ORC4: variants seen among roughly 807,000 people sequenced by gnomAD.
The protein encoded by ORC4 is origin recognition complex subunit 4.
Under a neutral mutation model 63.9 loss-of-function variants are expected in ORC4, and 55 were observed. The observed-to-expected ratio is 0.86, with a 90% CI of 0.69 to 1.08. The LOEUF is 1.08. ORC4 is among the 50% of genes least tolerant of loss of function. ORC4 has a pLI of 0.00. For synonymous variants in ORC4, 150 were observed against 168.5 expected (o/e 0.89, Z 0.85); for missense variants, 511 against 504.4 (o/e 1.01, Z -0.13).
chr2:147,931,558 TA>T lies in ORC4; in HGVS notation c.*3951del, dbSNP rs981140617. The T allele has an allele frequency of 6.6e-5, 10 of 152,192 alleles. No individual in the cohort carries two copies. Among genetic ancestry groups the T allele is most frequent in the Admixed American group, 6.6e-5 (1 of 15,250 alleles). 9.4% of individuals were successfully genotyped at this position (152,192 alleles called of 1,614,324 possible). A position where few individuals can be genotyped will look rare whatever the true frequency, so the allele number is the denominator to read the frequency against. ...TTTAATGATTGCCATTCTAACTGGA[TA>T]AAATACTGGCAAAACGAATCCAGCA... On this transcript the variant is annotated 3_prime_UTR_variant, in exon 14 of 14. Coordinates refer to ENST00000392857, the MANE Select transcript of ORC4 (RefSeq NM_181741.4).
rs1331769871 is a variant in ORC4 at position 147,934,631 on chromosome 2, A to C, written c.*879T>G. ...TATGTATATAGCCTGTTACACACTT[A>C]GGCTATACAGATAGCCTAGCCTATT... On this transcript the variant is annotated 3_prime_UTR_variant, in exon 14 of 14. Coordinates refer to ENST00000392857, the MANE Select transcript of ORC4 (RefSeq NM_181741.4). 2 of 152,180 alleles carry C rather than the reference A, an allele frequency of 1.3e-5. No homozygotes were observed. Among genetic ancestry groups the C allele is most frequent in the Non-Finnish European group, 2.9e-5 (2 of 68,038 alleles). 9.4% of individuals were successfully genotyped at this position (152,180 alleles called of 1,614,324 possible). A position where few individuals can be genotyped will look rare whatever the true frequency, so the allele number is the denominator to read the frequency against.
chr2:147,974,555 A>C (rs941579101), intron 2 of ORC4, among the ~76,000 whole-genome samples: 2 of 151,780 alleles, frequency 1.3e-5, no homozygotes, highest in Non-Finnish European at 2.9e-5. Flanking sequence ...GAATTGCTTG[A>C]ACCCAGGAGG....
chr2:147,952,584 C>T (rs570803277), intron 7 of ORC4, 60 bp from the exon 8 acceptor site: 1 of 1,314,078 alleles, frequency 7.6e-7, no homozygotes, highest in South Asian at 1.2e-5. Flanking sequence ...CCTAAATTTC[C>T]AAACCATTTA....
rs1687809364 is a variant in ORC4 at position 147,932,252 on chromosome 2, TGTGAAG to T, written c.*3252_*3257del. 1 of 151,854 alleles carries T rather than the reference TGTGAAG, an allele frequency of 6.6e-6. No individual in the cohort carries two copies. The highest frequency in any genetic ancestry group is 2.4e-5 in the African/African-American group (1 of 41,300). The allele number at this position is 151,854 out of a possible 1,614,324, so 9.4% of individuals were successfully genotyped here. A position where few individuals can be genotyped will look rare whatever the true frequency, so the allele number is the denominator to read the frequency against. Reference sequence around the variant, plus strand: ...ACCTAGGAATCCAACTTACAAGGGATGTGAAGGACCTCTTCAAGGAGAACTACAAGC... The same window carrying T: ...ACCTAGGAATCCAACTTACAAGGGATGACCTCTTCAAGGAGAACTACAAGC... On this transcript the variant is annotated 3_prime_UTR_variant, in exon 14 of 14. Transcript: ENST00000392857.
chr2:147,947,755 T>G, intron 9 of ORC4: 1 of 160,710 alleles, frequency 6.2e-6, no homozygotes, highest in Non-Finnish European at 1.3e-5. Context: ...AATAAAATTA[T>G]CTAAAATATA....
At chr2:147,941,266 T>A (rs1688348289) in intron 10 of ORC4, among the ~76,000 whole-genome samples, 1 of 152,074 alleles carries the variant, frequency 6.6e-6, no homozygotes, top group Non-Finnish European at 1.5e-5. Flanking sequence ...CATTTCTTTT[T>A]TTTTCCCAAT....
intron 1 of ORC4, among the ~76,000 whole-genome samples, chr2:147,999,060 C>G (rs1229317525): frequency 6.6e-6 from 1 of 152,180 alleles, no homozygotes; most frequent in Non-Finnish European, 1.5e-5. Flanking sequence ...GTCTCGTCAG[C>G]TAATACTCTA....
chr2:147,979,481 A>G (rs74622976), intron 1 of ORC4, among the ~76,000 whole-genome samples: 5,190 of 152,300 alleles, frequency 0.034, 121 homozygotes, highest in Middle Eastern at 0.088. Flanking sequence ...CATGGACTGA[A>G]AGAATCAATG....
chr2:147,969,083 T>A (rs1690061556), intron 4 of ORC4, among the ~76,000 whole-genome samples: 1 of 151,764 alleles, frequency 6.6e-6, no homozygotes, highest in Non-Finnish European at 1.5e-5. Context: ...CCAAGAAAAG[T>A]AGGTCTTACA....
At position 147,997,854 on chromosome 2, in the gene ORC4, G is replaced by T. The variant is rs114218781; in HGVS notation, c.-17-21879C>A. Among the ~76,000 whole-genome samples the T allele has an allele frequency of 2.6e-5, 4 of 152,168 alleles. No individual in the cohort carries two copies. The East Asian group carries it at 7.7e-4, about 29-fold the overall frequency. On this transcript the variant is annotated intron_variant, in intron 1 of 13. Coordinates refer to ENST00000392857, the MANE Select transcript of ORC4 (RefSeq NM_181741.4). Reference sequence around the variant, plus strand: ...AATTTGAATATATAAATTTCTAAGTGTAAATTATGATGCTAAAATTCTATT... The same window carrying T: ...AATTTGAATATATAAATTTCTAAGTTTAAATTATGATGCTAAAATTCTATT...
intron 1 of ORC4, among the ~76,000 whole-genome samples, chr2:147,985,364 T>C (rs191128034): frequency 2.8e-4 from 42 of 152,098 alleles, no homozygotes; most frequent in Admixed American, 8.5e-4. Context: ...GCCCGGCTAA[T>C]TTTTTGTATT....
At chr2:147,956,113 C>T (rs1689236395) in intron 6 of ORC4, among the ~76,000 whole-genome samples, 1 of 151,972 alleles carries the variant, frequency 6.6e-6, no homozygotes, top group South Asian at 2.1e-4. Context: ...TTAACTTTTA[C>T]TTCATTCAGA....
upstream of ORC4, chr2:148,021,168 C>G (rs1693696774): frequency 6.4e-6 from 1 of 155,766 alleles, no homozygotes; most frequent in African/African-American, 2.4e-5. Flanking sequence ...CCTTTTATTT[C>G]TATTTTTAAA....
chr2:148,015,307 A>ATT (rs1158861758), intron 1 of ORC4, among the ~76,000 whole-genome samples: 1,616 of 92,226 alleles, frequency 0.018, 12 homozygotes, highest in African/African-American at 0.026. Context: ...TGATATTGGA[A>ATT]TTTTTTTTTT....
rs777730698 is a variant in ORC4 at position 147,948,084 on chromosome 2, C to A, written c.729G>T (p.Lys243Asn). The stretch of plus-strand genomic sequence containing the variant: ...TTTCATTCCACTTCTCAGCAAAAAC[C>A]TTGTCTGGAAACTCTGCAGGTAGAG... ...QLSLPAEFPD[K>N]VFAEKWNENV... is the part of the protein sequence containing the mutation. The change falls in exon 9 of 14, where the codon AAG becomes AAT. Residue 243 changes from lysine to asparagine, a missense_variant. Transcript: ENST00000392857. 3 of 1,612,040 alleles carry A rather than the reference C, an allele frequency of 1.9e-6. No homozygotes were observed. The Admixed American group carries it at 5.0e-5, about 27-fold the overall frequency.
At chr2:147,997,877 A>G (rs1692064602) in intron 1 of ORC4, among the ~76,000 whole-genome samples, 1 of 152,216 alleles carries the variant, frequency 6.6e-6, no homozygotes, top group Non-Finnish European at 1.5e-5. Flanking sequence ...CTAAAATTCT[A>G]TTTTAACTTT....
Position 147,972,784 on chromosome 2 carries a change from A to T in ORC4, c.180T>A (p.Ser60Arg). Residue 60 changes from serine to arginine, a missense_variant, in exon 4 of 14, where the codon AGT becomes AGA. Coordinates refer to ENST00000392857, the MANE Select transcript of ORC4 (RefSeq NM_181741.4). ...LLKRTALHGE[S>R]NSVLIIGPRG... Reference sequence around the variant, plus strand: ...GGGGTCCGATAATAAGGACAGAGTTACTCTCTCCATGGAGAGCAGTTCTTT... The same window carrying T: ...GGGGTCCGATAATAAGGACAGAGTTTCTCTCTCCATGGAGAGCAGTTCTTT... The T allele has an allele frequency of 6.2e-7, 1 of 1,612,534 alleles. No individual in the cohort carries two copies. The highest frequency in any genetic ancestry group is 1.3e-5 in the African/African-American group (1 of 74,990).
intron 4 of ORC4, among the ~76,000 whole-genome samples, chr2:147,966,399 A>T (rs1355634640): frequency 6.6e-6 from 1 of 152,114 alleles, no homozygotes; most frequent in East Asian, 1.9e-4. Flanking sequence ...AAGGAAATAA[A>T]TATCAGAGAA....
intron 1 of ORC4, among the ~76,000 whole-genome samples, chr2:148,016,502 A>G (rs1693299133): frequency 6.6e-6 from 1 of 152,192 alleles, no homozygotes; most frequent in Non-Finnish European, 1.5e-5. Flanking sequence ...CTGCACAACC[A>G]ACACTTCAAA....
Sources: gnomAD v4.1 joint callset for allele counts (sites outside exome capture counted in the v4.1 genomes callset) on GRCh38, gnomAD v4.1.1 for gene constraint, MANE v1.5 for transcripts, NCBI Gene and HGNC (gene_info 2026-07-23, HGNC 2026-07-21) for gene names.